The following JMJD1C variants were observed in gnomAD, a reference collection of about 807,000 sequenced individuals.
JMJD1C encodes jumonji domain-containing protein 1C.
A neutral mutation model predicts 245.3 loss-of-function variants in JMJD1C; 31 were observed. The ratio of observed to expected loss-of-function variants is 0.13; its 90% CI spans 0.09 to 0.17. The LOEUF (loss-of-function observed/expected upper bound fraction) is 0.17. JMJD1C is among the 10% of genes least tolerant of loss of function. The pLI, the probability that JMJD1C is intolerant of heterozygous loss-of-function variation, is 1.00. For missense variants in JMJD1C, 2,691 were observed against 3,000.2 expected (o/e 0.90, Z 2.41); for synonymous variants, 1,057 against 1,017.4 (o/e 1.04, Z -0.74).
intron 3 of JMJD1C, among the ~76,000 whole-genome samples, chr10:63,230,588 A>T (rs916360244): frequency 5.9e-5 from 9 of 152,100 alleles, no homozygotes; most frequent in Admixed American, 4.6e-4. Flanking sequence ...TCACAATGGT[A>T]GTTACTTAAA....
intron 2 of JMJD1C, among the ~76,000 whole-genome samples, chr10:63,368,939 C>G (rs576919172): frequency 6.6e-6 from 1 of 151,752 alleles, no homozygotes; most frequent in Non-Finnish European, 1.5e-5. Context: ...TGAATCATCA[C>G]GCCCAGCCCC....
chr10:63,206,088 G>A (rs1189116535), intron 10 of JMJD1C, among the ~76,000 whole-genome samples: 1 of 152,076 alleles, frequency 6.6e-6, no homozygotes. Flanking sequence ...TGGTATCCGT[G>A]GGGGCGTCCT....
intron 2 of JMJD1C, among the ~76,000 whole-genome samples, chr10:63,370,749 T>C (rs1946248851): frequency 6.6e-6 from 1 of 152,178 alleles, no homozygotes; most frequent in African/African-American, 2.4e-5. Context: ...AATGCTGCAA[T>C]AGCAAAACAC....
intron 1 of JMJD1C, among the ~76,000 whole-genome samples, chr10:63,491,590 T>C (rs922021049): frequency 2.0e-5 from 3 of 152,210 alleles, no homozygotes; most frequent in Admixed American, 2.0e-4. Context: ...GATAAGAGTA[T>C]AAAATACTAC....
intron 13 of JMJD1C, among the ~76,000 whole-genome samples, chr10:63,197,124 T>C (rs1464594734): frequency 6.6e-6 from 1 of 152,028 alleles, no homozygotes; most frequent in Non-Finnish European, 1.5e-5. Context: ...ACTGGAATCT[T>C]AAAGCAACAA....
At chr10:63,226,831 G>C (rs1053016355) in intron 3 of JMJD1C, among the ~76,000 whole-genome samples, 3 of 152,200 alleles carry the variant, frequency 2.0e-5, no homozygotes, top group African/African-American at 7.2e-5. Flanking sequence ...GCCGAGGTGG[G>C]TGGATCACCT....
At chr10:63,228,301 T>C (rs1027094052) in intron 3 of JMJD1C, among the ~76,000 whole-genome samples, 15 of 152,342 alleles carry the variant, frequency 9.8e-5, no homozygotes, top group African/African-American at 2.4e-4. Context: ...TTGAATTTCA[T>C]AGAATGTTTA....
intron 1 of JMJD1C, among the ~76,000 whole-genome samples, chr10:63,399,773 AT>A (rs58476707): frequency 6.0e-4 from 87 of 145,792 alleles, no homozygotes; most frequent in South Asian, 2.8e-3. Flanking sequence ...TCCTTTTAGG[AT>A]TTTTTTTTTT....
chr10:63,215,061 G>T lies in JMJD1C; in HGVS notation c.1106C>A (p.Thr369Asn), dbSNP rs373612995. Residue 369 changes from threonine (T) to asparagine (N), a missense_variant, in exon 8 of 26, where the codon ACT (threonine) becomes AAT (asparagine). Thr to Asn is a moderately conservative substitution (Grantham distance 65, BLOSUM62 0). Around this residue, in one of 9 missense-constraint regions of JMJD1C, gnomAD observed 1,562 missense variants for 1,490.7 expected, o/e 1.05. Coordinates refer to ENST00000399262, the MANE Select transcript of JMJD1C (RefSeq NM_032776.3). Reference sequence around the variant, plus strand: ...CTCAGAAAAGTCTGAAACATTGTCAGTTCGAAGTCTTTTCATATTTAGTTT... The same window carrying T: ...CTCAGAAAAGTCTGAAACATTGTCATTTCGAAGTCTTTTCATATTTAGTTT... ...EKKLNMKRLR[T>N]DNVSDFSESS... The T allele has an allele frequency of 4.4e-6, 7 of 1,603,024 alleles. No individual in the cohort carries two copies. The highest frequency in any genetic ancestry group is 5.9e-6 in the Non-Finnish European group (7 of 1,176,722).
chr10:63,177,971 T>C (rs1044424362), intron 22 of JMJD1C, 115 bp from the exon 23 acceptor site: 9 of 1,126,654 alleles, frequency 8.0e-6, no homozygotes, highest in African/African-American at 1.6e-5. Flanking sequence ...TACTTTTTCT[T>C]TTTTGGTCAC....
At chr10:63,499,463 C>A (rs1461048136) in intron 1 of JMJD1C, among the ~76,000 whole-genome samples, 1 of 152,086 alleles carries the variant, frequency 6.6e-6, no homozygotes, top group African/African-American at 2.4e-5. Context: ...AAAAAGTAGA[C>A]AACAAAACTT....
chr10:63,329,948 C>G (rs2134160360), intron 2 of JMJD1C, among the ~76,000 whole-genome samples: 1 of 152,370 alleles, frequency 6.6e-6, no homozygotes, highest in South Asian at 2.1e-4. Context: ...GTCGCCCAGG[C>G]TGGATGCAGT....
chr10:63,333,246 C>T (rs2134177072), intron 2 of JMJD1C, among the ~76,000 whole-genome samples: 1 of 152,220 alleles, frequency 6.6e-6, no homozygotes, highest in South Asian at 2.1e-4. Context: ...TATCCATTCT[C>T]CTATTTCTTG....
intron 1 of JMJD1C, among the ~76,000 whole-genome samples, chr10:63,448,874 T>C (rs1951864736): frequency 6.6e-6 from 1 of 152,150 alleles, no homozygotes; most frequent in South Asian, 2.1e-4. Flanking sequence ...TCCCAGCACT[T>C]TGGAGGCAGA....
intron 2 of JMJD1C, among the ~76,000 whole-genome samples, chr10:63,269,693 A>C (rs1004023491): frequency 6.6e-6 from 1 of 152,220 alleles, no homozygotes; most frequent in Non-Finnish European, 1.5e-5. Flanking sequence ...TTTACTAAAA[A>C]AAAACTGGTA....
intron 2 of JMJD1C, among the ~76,000 whole-genome samples, chr10:63,336,941 A>G (rs1942798425): frequency 6.6e-6 from 1 of 151,932 alleles, no homozygotes. Flanking sequence ...TCTGTGTTCA[A>G]GCGATTCTCC....
At chr10:63,509,912 AACTTTTATTATATTTCTTTTCTTCT>A (rs1168850363) in intron 1 of JMJD1C, among the ~76,000 whole-genome samples, 36 of 151,766 alleles carry the variant, frequency 2.4e-4, no homozygotes, top group African/African-American at 8.0e-4. Flanking sequence ...TTCCTGCTCT[AACTTTTATTATATTTCTTTTCTTCT>A]ACTTACTTTG....
intron 2 of JMJD1C, among the ~76,000 whole-genome samples, chr10:63,378,058 C>T (rs16918397): frequency 0.037 from 5,557 of 150,986 alleles, 332 homozygotes; most frequent in East Asian, 0.29. Flanking sequence ...TACTTTCATA[C>T]CACAGTGTTT....
intron 1 of JMJD1C, among the ~76,000 whole-genome samples, chr10:63,442,633 T>C (rs1589756513): frequency 2.0e-5 from 3 of 152,328 alleles, no homozygotes; most frequent in Middle Eastern, 6.8e-3. Context: ...TTCCATGCCA[T>C]ACATTTCTTG....
Sources: allele counts gnomAD v4.1 joint callset (sites outside exome capture counted in the v4.1 genomes callset), GRCh38; gene constraint gnomAD v4.1.1; regional missense constraint gnomAD v4.1.1; transcripts MANE v1.5; gene names NCBI Gene and HGNC (gene_info 2026-07-23, HGNC 2026-07-21).